The following PIK3C2G variants were observed in gnomAD, a reference collection of about 807,000 sequenced individuals.
The protein encoded by PIK3C2G is phosphatidylinositol 3-kinase C2 domain-containing subunit gamma.
In PIK3C2G, 168 loss-of-function variants were observed where a neutral mutation model predicts 181.1. The observed-to-expected ratio is 0.93, with a 90% CI of 0.82 to 1.05. The LOEUF is 1.05. PIK3C2G is among the 50% of genes least tolerant of loss of function. The pLI, the probability that PIK3C2G is intolerant of heterozygous loss-of-function variation, is 0.00. For missense variants in PIK3C2G, 1,869 were observed against 1,732.8 expected (o/e 1.08, Z -1.40); for synonymous variants, 573 against 592.2 (o/e 0.97, Z 0.47).
At chr12:18,545,574 T>C (rs938281218) in intron 25 of PIK3C2G, among the ~76,000 whole-genome samples, 11 of 151,884 alleles carry the variant, frequency 7.2e-5, no homozygotes, top group African/African-American at 2.4e-4. Flanking sequence ...AAAAAAGTAG[T>C]CTAAAGAGAT....
intron 8 of PIK3C2G, among the ~76,000 whole-genome samples, chr12:18,333,919 T>G (rs766511063): frequency 6.6e-6 from 1 of 152,138 alleles, no homozygotes; most frequent in South Asian, 2.1e-4. Flanking sequence ...CAACCACTTA[T>G]GCCGTTTTGT....
intron 26 of PIK3C2G, among the ~76,000 whole-genome samples, chr12:18,558,366 TTCAG>T (rs1186160438): frequency 6.6e-5 from 10 of 152,216 alleles, no homozygotes; most frequent in Non-Finnish European, 1.5e-4. Flanking sequence ...AGAAAGATTG[TTCAG>T]TCATTCAACA....
At chr12:18,640,202 C>T (rs1949779648) in intron 31 of PIK3C2G, among the ~76,000 whole-genome samples, 1 of 151,916 alleles carries the variant, frequency 6.6e-6, no homozygotes, top group South Asian at 2.1e-4. Flanking sequence ...AAATGTAGTT[C>T]TCTGACACAA....
At chr12:18,555,871 A>G (rs146903453) in intron 26 of PIK3C2G, among the ~76,000 whole-genome samples, 163 of 152,292 alleles carry the variant, frequency 1.1e-3, no homozygotes, top group Admixed American at 2.2e-3. Context: ...TTCTTCAGTT[A>G]CTACTTCTTA....
chr12:18,444,878 C>T (rs972185251), intron 18 of PIK3C2G, among the ~76,000 whole-genome samples: 7 of 152,048 alleles, frequency 4.6e-5, no homozygotes, highest in African/African-American at 1.7e-4. Flanking sequence ...AATTTTAGTA[C>T]AATTATGTTC....
chr12:18,303,146 T>TCTTTCTTTCTTC (rs1324373895), intron 5 of PIK3C2G, among the ~76,000 whole-genome samples: 2 of 94,618 alleles, frequency 2.1e-5, no homozygotes, highest in African/African-American at 9.2e-5. Flanking sequence ...TTCTTTTCTT[T>TCTTTCTTTCTTC]TCTTTCTTCT....
intron 31 of PIK3C2G, among the ~76,000 whole-genome samples, chr12:18,612,634 A>G (rs1433207847): frequency 6.6e-6 from 1 of 152,140 alleles, no homozygotes; most frequent in Non-Finnish European, 1.5e-5. Flanking sequence ...TAAATGACAT[A>G]AAAATCCATC....
At chr12:18,423,869 C>A in intron 17 of PIK3C2G, 76 bp from the exon 18 acceptor site, 1 of 831,438 alleles carries the variant, frequency 1.2e-6, no homozygotes, top group Non-Finnish European at 2.0e-6. Context: ...AGTCTTTTCT[C>A]AAGCCTCTGA....
chr12:18,717,380 G>A, the PIK3C2G span, among the ~76,000 whole-genome samples: 1 of 152,062 alleles, frequency 6.6e-6, no homozygotes, highest in East Asian at 1.9e-4. Context: ...AATTAGAGAA[G>A]CAGCAATATT....
intron 31 of PIK3C2G, among the ~76,000 whole-genome samples, chr12:18,622,129 A>C (rs1389434984): frequency 6.6e-6 from 1 of 151,904 alleles, no homozygotes; most frequent in Admixed American, 6.6e-5. Context: ...AGTGATATTC[A>C]GCATGCTGTG....
At chr12:18,574,090 A>G (rs565691785) in intron 29 of PIK3C2G, among the ~76,000 whole-genome samples, 1 of 152,156 alleles carries the variant, frequency 6.6e-6, no homozygotes, top group Admixed American at 6.6e-5. Flanking sequence ...TTCTCATATC[A>G]TCATCCTGTA....
chr12:18,259,154 A>G (rs1303865067), upstream of PIK3C2G, among the ~76,000 whole-genome samples: 2 of 152,134 alleles, frequency 1.3e-5, no homozygotes, highest in Non-Finnish European at 2.9e-5. Context: ...ATGATAGCAG[A>G]AATCTTGTCG....
chr12:18,299,342 AGTTT>A (rs1427964054), intron 5 of PIK3C2G, among the ~76,000 whole-genome samples: 1 of 151,656 alleles, frequency 6.6e-6, no homozygotes, highest in Non-Finnish European at 1.5e-5. Context: ...TTTTCCAGTT[AGTTT>A]GTTATGGGTT....
rs188550138 is a variant in PIK3C2G at position 18,389,119 on chromosome 12, G to A, written c.1996-2003G>A. 6.6e-4 allele frequency among the ~76,000 whole-genome samples: 100 copies of A among 152,248 alleles called. 1 individual carries two copies. The East Asian group carries it at 0.019, about 28-fold the overall frequency. On this transcript the variant is annotated intron_variant, in intron 14 of 32. Coordinates refer to ENST00000538779, the MANE Select transcript of PIK3C2G (RefSeq NM_001288772.2). ...TGTAATCCAAGCACTTTGGGAGGCC[G>A]AGGCGGGTGGATCACAAGGTCAGGA...
chr12:18,381,188 T>C (rs1942809707), intron 13 of PIK3C2G, among the ~76,000 whole-genome samples: 1 of 152,230 alleles, frequency 6.6e-6, no homozygotes, highest in South Asian at 2.1e-4. Flanking sequence ...TTACCACCGA[T>C]TTTTAAACAT....
At chr12:18,512,341 GA>G (rs923432654) in intron 24 of PIK3C2G, among the ~76,000 whole-genome samples, 14 of 149,544 alleles carry the variant, frequency 9.4e-5, no homozygotes, top group Middle Eastern at 3.5e-3. Flanking sequence ...CCATTTGTGT[GA>G]AAAAAAAATG....
At chr12:18,528,524 C>T (rs1014718583) in intron 24 of PIK3C2G, among the ~76,000 whole-genome samples, 2 of 152,154 alleles carry the variant, frequency 1.3e-5, no homozygotes, top group African/African-American at 4.8e-5. Flanking sequence ...TTCAAACACT[C>T]AAGTCTTTCA....
intron 16 of PIK3C2G, among the ~76,000 whole-genome samples, chr12:18,403,975 G>C (rs924898131): frequency 6.6e-6 from 1 of 152,094 alleles, no homozygotes; most frequent in Non-Finnish European, 1.5e-5. Context: ...TAGCAACTTT[G>C]AATTGGCATC....
chr12:18,421,976 T>C (rs929088798), intron 17 of PIK3C2G, among the ~76,000 whole-genome samples: 5 of 152,118 alleles, frequency 3.3e-5, no homozygotes, highest in African/African-American at 7.2e-5. Context: ...CCAGTCTTTC[T>C]TGAAAATAAG....
Sources: gnomAD v4.1 joint callset for allele counts (sites outside exome capture counted in the v4.1 genomes callset) on GRCh38, gnomAD v4.1.1 for gene constraint, MANE v1.5 for transcripts, NCBI Gene and HGNC (gene_info 2026-07-23, HGNC 2026-07-21) for gene names.